The following SNX29 variants were observed in gnomAD, a reference collection of about 807,000 sequenced individuals.
SNX29 encodes the protein sorting nexin 29, also known as sorting nexin-29.
Under a neutral mutation model 102.1 loss-of-function variants are expected in SNX29, and 78 were observed. That is an observed-to-expected ratio of 0.76 (90% CI 0.64 to 0.92). The LOEUF is 0.92. Among genes scored for constraint, SNX29 ranks in the 40% least tolerant of loss-of-function variants. The pLI, the probability that SNX29 is intolerant of heterozygous loss-of-function variation, is 0.00. For missense variants in SNX29, 1,280 were observed against 1,061.7 expected, an observed-to-expected ratio of 1.21 and a Z score of -2.86; for synonymous variants, 580 against 414.5, an observed-to-expected ratio of 1.40 and a Z score of -4.85.
intron 19 of SNX29, among the ~76,000 whole-genome samples, chr16:12,483,373 A>G (rs1259917906): frequency 6.8e-6 from 1 of 146,442 alleles, no homozygotes; most frequent in Admixed American, 6.9e-5. Flanking sequence ...GCTGGAGTGC[A>G]GTGGTGTGAT....
intron 13 of SNX29, among the ~76,000 whole-genome samples, chr16:12,168,066 A>T (rs2076058224): frequency 6.6e-6 from 1 of 152,218 alleles, no homozygotes; most frequent in Non-Finnish European, 1.5e-5. Flanking sequence ...AGGCACTGGG[A>T]GACAGTCATG....
chr16:12,353,106 C>T (rs1370578729), intron 15 of SNX29, among the ~76,000 whole-genome samples: 2 of 152,148 alleles, frequency 1.3e-5, no homozygotes, highest in Non-Finnish European at 2.9e-5. Flanking sequence ...CTCCGAGTCA[C>T]TCTAGCATAA....
At chr16:12,135,875 A>G in intron 13 of SNX29, 1 of 329,042 alleles carries the variant, frequency 3.0e-6, no homozygotes, top group Non-Finnish European at 5.8e-6. Context: ...TCAACCTGCC[A>G]GGTCCAGGAA....
intron 20 of SNX29, among the ~76,000 whole-genome samples, chr16:12,538,310 G>C (rs982605030): frequency 2.4e-4 from 36 of 152,014 alleles, no homozygotes; most frequent in African/African-American, 8.2e-4. Flanking sequence ...TTAGTAGAGA[G>C]GGGGTTTCAC....
At chr16:12,534,713 C>G (rs910817371) in intron 20 of SNX29, among the ~76,000 whole-genome samples, 1 of 152,226 alleles carries the variant, frequency 6.6e-6, no homozygotes, top group Admixed American at 6.5e-5. Flanking sequence ...TTGCCACTCC[C>G]CTGTCACTCA....
chr16:12,235,323 G>T (rs1460682899), intron 14 of SNX29, among the ~76,000 whole-genome samples: 2 of 152,090 alleles, frequency 1.3e-5, no homozygotes, highest in African/African-American at 4.8e-5. Flanking sequence ...CAGGCATCCC[G>T]CAGTGCTCGT....
rs1015538998 is a variant in SNX29, at chr16:12,450,558, C to T, written c.2038-27161C>T. Among the ~76,000 whole-genome samples the T allele has an allele frequency of 5.3e-5, 8 of 152,276 alleles. No individual in the cohort carries two copies. The East Asian group carries it at 1.4e-3, about 26-fold the overall frequency. On this transcript the variant is annotated intron_variant, in intron 18 of 20. Transcript: ENST00000566228. ...TGAGGTGCTCTGATTGGCTGAGGCC[C>T]GAATCATAGGCTCTGTCCAGCACAC...
intron 20 of SNX29, among the ~76,000 whole-genome samples, chr16:12,560,374 C>G (rs573799719): frequency 6.6e-6 from 1 of 152,212 alleles, no homozygotes; most frequent in South Asian, 2.1e-4. Context: ...AGGTTGTGCG[C>G]TCAGTATTTT....
chr16:12,209,381 G>A (rs1391324342), intron 14 of SNX29, among the ~76,000 whole-genome samples: 1 of 152,094 alleles, frequency 6.6e-6, no homozygotes, highest in Non-Finnish European at 1.5e-5. Flanking sequence ...GTAGAGACGG[G>A]GTTTTGCCAT....
intron 13 of SNX29, among the ~76,000 whole-genome samples, chr16:12,184,304 GT>G (rs2076461022): frequency 6.6e-6 from 1 of 152,190 alleles, no homozygotes; most frequent in African/African-American, 2.4e-5. Flanking sequence ...AACAAGGTTT[GT>G]ATGTTAGCTT....
intron 18 of SNX29, among the ~76,000 whole-genome samples, chr16:12,446,829 G>A (rs939413564): frequency 3.9e-5 from 6 of 151,932 alleles, no homozygotes; most frequent in Non-Finnish European, 8.8e-5. Context: ...GGATCCCAAC[G>A]AGCTGCCTCA....
intron 13 of SNX29, among the ~76,000 whole-genome samples, chr16:12,176,736 A>G (rs952301985): frequency 6.6e-6 from 1 of 152,098 alleles, no homozygotes; most frequent in Non-Finnish European, 1.5e-5. Flanking sequence ...ATGGATACCA[A>G]AGGATGTGTC....
chr16:12,370,959 G>C (rs566765810), intron 16 of SNX29, among the ~76,000 whole-genome samples: 1 of 152,348 alleles, frequency 6.6e-6, no homozygotes, highest in African/African-American at 2.4e-5. Context: ...TTCTTGAGGG[G>C]TGGGCACCAC....
chr16:12,271,081 C>G (rs1232558436), intron 14 of SNX29, among the ~76,000 whole-genome samples: 1 of 152,180 alleles, frequency 6.6e-6, no homozygotes, highest in Non-Finnish European at 1.5e-5. Context: ...CAAGAAGTAA[C>G]TATGGAATGA....
At chr16:12,339,350 G>A (rs1180776891) in intron 15 of SNX29, among the ~76,000 whole-genome samples, 6 of 120,860 alleles carry the variant, frequency 5.0e-5, no homozygotes, top group African/African-American at 1.6e-4. Flanking sequence ...CAGCCTGGGC[G>A]ACAGAGTGAG....
chr16:11,980,970 T>C (rs1434799286), intron 1 of SNX29, among the ~76,000 whole-genome samples: 3 of 151,994 alleles, frequency 2.0e-5, no homozygotes, highest in South Asian at 2.1e-4. Context: ...ATTTTCTTTT[T>C]TTTTTTTTGA....
intron 14 of SNX29, among the ~76,000 whole-genome samples, chr16:12,259,910 C>A (rs1349554771): frequency 6.6e-6 from 1 of 151,862 alleles, no homozygotes; most frequent in African/African-American, 2.4e-5. Flanking sequence ...ATCCAAAGTG[C>A]CCTGCCACCC....
At chr16:12,054,017 G>C (rs1326315766) in intron 8 of SNX29, among the ~76,000 whole-genome samples, 1 of 151,732 alleles carries the variant, frequency 6.6e-6, no homozygotes, top group East Asian at 1.9e-4. Flanking sequence ...GCCCAGGCTG[G>C]GGTGCAGTGG....
chr16:12,552,410 G>A (rs942183109), intron 20 of SNX29, among the ~76,000 whole-genome samples: 2 of 152,222 alleles, frequency 1.3e-5, no homozygotes, highest in African/African-American at 4.8e-5. Context: ...CAGTGGTGAG[G>A]ACGTGGTCAG....
Sources: allele counts gnomAD v4.1 joint callset (sites outside exome capture counted in the v4.1 genomes callset), GRCh38; gene constraint gnomAD v4.1.1; transcripts MANE v1.5; gene names NCBI Gene and HGNC (gene_info 2026-07-23, HGNC 2026-07-21).